RFC3: variants seen among roughly 807,000 people sequenced by gnomAD.
RFC3 encodes A1 38 kDa subunit.
A neutral mutation model predicts 45.1 loss-of-function variants in RFC3; 41 were observed. The observed-to-expected ratio is 0.91, with a 90% CI of 0.71 to 1.18. The LOEUF (loss-of-function observed/expected upper bound fraction) is 1.18, where lower values mean the gene tolerates loss of function less well. RFC3 is among the 50% of genes most tolerant of loss of function. The pLI is 0.00. For missense variants in RFC3, 423 were observed against 428.1 expected (o/e 0.99, Z 0.10); for synonymous variants, 149 against 144.0 (o/e 1.03, Z -0.25).
intron 8 of RFC3, among the ~76,000 whole-genome samples, chr13:33,903,580 A>C (rs543143314): frequency 6.6e-6 from 1 of 152,004 alleles, no homozygotes; most frequent in South Asian, 2.1e-4. Context: ...TCCAGCAACC[A>C]CTCTATGTAC....
intron 8 of RFC3, among the ~76,000 whole-genome samples, chr13:33,925,351 T>C (rs62647055): frequency 0.064 from 2,894 of 45,524 alleles, 394 homozygotes; most frequent in Middle Eastern, 0.35. Context: ...TATACATACA[T>C]ATATAGTGTA....
chr13:33,922,832 A>C (rs1477093208), intron 8 of RFC3, among the ~76,000 whole-genome samples: 5 of 152,054 alleles, frequency 3.3e-5, no homozygotes, highest in Non-Finnish European at 7.4e-5. Context: ...AAATGCCTTA[A>C]CTCTCTGGCC....
chr13:33,869,392 A>AG (rs1302848740), intron 8 of RFC3, among the ~76,000 whole-genome samples: 1 of 66,572 alleles, frequency 1.5e-5, no homozygotes, highest in Non-Finnish European at 5.1e-5. Context: ...AAAACTGTGT[A>AG]GATTTTTTTT....
chr13:33,833,405 C>A (rs2082121981), intron 7 of RFC3, among the ~76,000 whole-genome samples: 1 of 151,712 alleles, frequency 6.6e-6, no homozygotes, highest in South Asian at 2.1e-4. Flanking sequence ...AGATTAGGTA[C>A]CTTGTTCAGG....
intron 8 of RFC3, among the ~76,000 whole-genome samples, chr13:33,951,087 A>G (rs1260506493): frequency 7.4e-5 from 10 of 134,814 alleles, no homozygotes; most frequent in Admixed American, 7.2e-4. Context: ...ACTGTTATCA[A>G]TAGAAAAGTT....
chr13:33,838,478 C>T (rs1016074958), downstream of RFC3, among the ~76,000 whole-genome samples: 3 of 152,104 alleles, frequency 2.0e-5, no homozygotes, highest in African/African-American at 7.2e-5. Flanking sequence ...ATTCTGCTGC[C>T]TTCACGTTTC....
chr13:33,936,438 A>G (rs554145276), intron 8 of RFC3, among the ~76,000 whole-genome samples: 1 of 152,274 alleles, frequency 6.6e-6, no homozygotes, highest in East Asian at 1.9e-4. Flanking sequence ...AAACCCCAGT[A>G]CCTGTGAATG....
chr13:33,883,041 CT>C (rs2082495529), intron 8 of RFC3, among the ~76,000 whole-genome samples: 1 of 152,154 alleles, frequency 6.6e-6, no homozygotes, highest in African/African-American at 2.4e-5. Flanking sequence ...TTACTTCTAA[CT>C]TTTGGCAACT....
chr13:33,828,614 A>T (rs1457932774), intron 4 of RFC3, among the ~76,000 whole-genome samples: 2 of 152,184 alleles, frequency 1.3e-5, no homozygotes, highest in Non-Finnish European at 2.9e-5. Context: ...AGCTTACTGC[A>T]GCCTTGACCT....
At chr13:33,864,005 G>T (rs2137544240) in intron 8 of RFC3, among the ~76,000 whole-genome samples, 1 of 152,266 alleles carries the variant, frequency 6.6e-6, no homozygotes, top group South Asian at 2.1e-4. Flanking sequence ...TGGTTCTGCA[G>T]CCTGTACAAG....
At chr13:33,970,827 G>A (rs1167008267), downstream of RFC3, among the ~76,000 whole-genome samples, 1 of 152,202 alleles carries the variant, frequency 6.6e-6, no homozygotes, top group Non-Finnish European at 1.5e-5. Flanking sequence ...GTGAGTGGAA[G>A]TTAATACTTG....
At chr13:33,830,882 A>G (rs1227392622) in intron 6 of RFC3, 27 bp downstream of exon 6, 1 of 1,589,130 alleles carries the variant, frequency 6.3e-7, no homozygotes, top group East Asian at 2.2e-5. Flanking sequence ...GTTACATTCT[A>G]GGACTTTGGC....
chr13:33,841,208 C>G (rs1395889211), downstream of RFC3, among the ~76,000 whole-genome samples: 1 of 152,190 alleles, frequency 6.6e-6, no homozygotes, highest in Non-Finnish European at 1.5e-5. Context: ...CCTTCTCCAC[C>G]CCTTCCTCCA....
rs1240434440 is a variant in RFC3 at position 33,822,118 on chromosome 13, A to T, written c.225+849A>T. ...GTAACTGGGTTTTAGGCTAATGTTGATTAGCATATATTTAGATACATTGAG... is the reference window on the plus strand; with the variant it reads ...GTAACTGGGTTTTAGGCTAATGTTGTTTAGCATATATTTAGATACATTGAG... On this transcript the variant is annotated intron_variant, in intron 2 of 8. Coordinates refer to ENST00000380071, the MANE Select transcript of RFC3 (RefSeq NM_002915.4). 4.6e-5 allele frequency among the ~76,000 whole-genome samples: 7 copies of T among 152,292 alleles called. No individual in the cohort carries two copies. In the East Asian group the frequency reaches 1.3e-3, roughly 29 times the overall value.
intron 8 of RFC3, among the ~76,000 whole-genome samples, chr13:33,871,692 A>C (rs980542556): frequency 6.6e-6 from 1 of 152,156 alleles, no homozygotes; most frequent in Non-Finnish European, 1.5e-5. Flanking sequence ...CGCCTCTCCC[A>C]TTCTCTGAAA....
intron 8 of RFC3, among the ~76,000 whole-genome samples, chr13:33,950,950 G>A (rs534001273): frequency 1.3e-5 from 2 of 150,476 alleles, no homozygotes; most frequent in African/African-American, 2.4e-5. Context: ...TCCTCATGTG[G>A]TTCTTCCTCT....
intron 8 of RFC3, among the ~76,000 whole-genome samples, chr13:33,896,711 C>CAAAAAAAAAAAAAAAAA (rs56129519): frequency 1.4e-4 from 6 of 42,114 alleles, no homozygotes; most frequent in Admixed American, 4.6e-4. Context: ...GACTTTGTCT[C>CAAAAAAAAAAAAAAAAA]AAAAAAAAAA....
intron 8 of RFC3, among the ~76,000 whole-genome samples, chr13:33,942,728 A>AT (rs1208440845): frequency 1.3e-5 from 2 of 152,308 alleles, no homozygotes; most frequent in African/African-American, 4.8e-5. Flanking sequence ...TCCTCCTGCT[A>AT]TTTGAATGAT....
At chr13:33,912,526 A>G (rs1353270799) in intron 8 of RFC3, among the ~76,000 whole-genome samples, 1 of 152,072 alleles carries the variant, frequency 6.6e-6, no homozygotes, top group Non-Finnish European at 1.5e-5. Context: ...GGCCTGGGGA[A>G]CATCAGGGCA....
Sources: allele counts gnomAD v4.1 joint callset (sites outside exome capture counted in the v4.1 genomes callset), GRCh38; gene constraint gnomAD v4.1.1; transcripts MANE v1.5; gene names NCBI Gene and HGNC (gene_info 2026-07-23, HGNC 2026-07-21).